KATNIP: variants seen among roughly 807,000 people sequenced by gnomAD.
The protein encoded by KATNIP is katanin-interacting protein.
KATNIP carries 126 observed loss-of-function variants against 174.0 expected under a neutral mutation model. The ratio of observed to expected loss-of-function variants is 0.72; its 90% CI spans 0.63 to 0.84. KATNIP has a LOEUF of 0.84. KATNIP is among the 40% of genes least tolerant of loss of function. KATNIP has a pLI of 0.00. For missense variants in KATNIP, 1,958 were observed against 2,109.7 expected (o/e 0.93, Z 1.41); for synonymous variants, 810 against 835.7 (o/e 0.97, Z 0.53).
intron 5 of KATNIP, among the ~76,000 whole-genome samples, chr16:27,645,007 C>T (rs2076916649): frequency 6.6e-6 from 1 of 152,198 alleles, no homozygotes; most frequent in Non-Finnish European, 1.5e-5. Context: ...TTAAATATCA[C>T]ACCCTGGGCA....
At chr16:27,722,479 C>T (rs757376632) in intron 14 of KATNIP, 3 of 152,248 alleles carry the variant, frequency 2.0e-5, no homozygotes, top group Non-Finnish European at 4.4e-5. Flanking sequence ...CCTTTCCTTC[C>T]TTCTCTGGGC....
intron 6 of KATNIP, among the ~76,000 whole-genome samples, chr16:27,655,837 C>T (rs909215901): frequency 3.9e-5 from 6 of 152,030 alleles, no homozygotes; most frequent in African/African-American, 9.7e-5. Context: ...CAGTCACAGG[C>T]GGGGAATATT....
intron 15 of KATNIP, among the ~76,000 whole-genome samples, chr16:27,743,809 C>T (rs1191462407): frequency 6.6e-6 from 1 of 152,166 alleles, no homozygotes; most frequent in Non-Finnish European, 1.5e-5. Flanking sequence ...TGTTTCCAAA[C>T]ATTACCCTAT....
chr16:27,570,733 C>T (rs769517994), intron 1 of KATNIP, among the ~76,000 whole-genome samples: 6 of 152,056 alleles, frequency 3.9e-5, no homozygotes, highest in Admixed American at 3.3e-4. Flanking sequence ...GTTGTTAACT[C>T]GCCACCGTGA....
intron 2 of KATNIP, among the ~76,000 whole-genome samples, chr16:27,586,432 C>A (rs1257218856): frequency 6.9e-6 from 1 of 144,406 alleles, no homozygotes; most frequent in African/African-American, 2.6e-5. Context: ...CATAGTGAGA[C>A]CCTGCCTCAA....
chr16:27,648,854 G>C, intron 6 of KATNIP, 119 bp downstream of exon 6: 1 of 1,169,758 alleles, frequency 8.5e-7, no homozygotes. Context: ...TCGCCGCTGT[G>C]TTCCTTCACT....
At chr16:27,769,447 T>G (rs1385043993) in intron 20 of KATNIP, among the ~76,000 whole-genome samples, 1 of 152,202 alleles carries the variant, frequency 6.6e-6, no homozygotes, top group African/African-American at 2.4e-5. Context: ...GTAGGTTAAC[T>G]CATGACCGTG....
Position 27,699,560 on chromosome 16 carries a change from A to G in KATNIP, c.1140A>G (p.Pro380=), listed in dbSNP as rs1248428079. The change falls in exon 10 of 28, where the codon CCA becomes CCG. Residue 380 remains proline (P), a synonymous_variant. Coordinates refer to ENST00000261588, the MANE Select transcript of KATNIP (RefSeq NM_015202.5). ...ATGCAGAAGGACCACCAGCAAAACCATGGACCAGTCTGCTGGAGGAGAAGG... is the reference window on the plus strand; with the variant it reads ...ATGCAGAAGGACCACCAGCAAAACCGTGGACCAGTCTGCTGGAGGAGAAGG... ...LQDAEGPPAK[P]WTSLLEEKEE... 5 of 1,614,176 alleles carry G rather than the reference A, an allele frequency of 3.1e-6. No individual in the cohort carries two copies. The highest frequency in any genetic ancestry group is 4.2e-6 in the Non-Finnish European group (5 of 1,180,028).
At position 27,736,321 on chromosome 16, in the gene KATNIP, G is replaced by A. The variant is rs139698659; in HGVS notation, c.1744-3720G>A. ...CCTGGCCCAAAAATAATTGTTGGGT[G>A]GCTACAATGTGCCCTTGGACAAGAC... is the stretch of plus-strand genomic sequence containing the variant. On this transcript the variant is annotated intron_variant, in intron 14 of 27. Transcript: ENST00000261588. Among the ~76,000 whole-genome samples the A allele has an allele frequency of 8.5e-5, 13 of 152,306 alleles. No homozygotes were observed. In the East Asian group the frequency reaches 1.7e-3, roughly 20 times the overall value.
At chr16:27,660,663 G>A (rs2077448149) in intron 6 of KATNIP, among the ~76,000 whole-genome samples, 1 of 150,546 alleles carries the variant, frequency 6.6e-6, no homozygotes, top group Non-Finnish European at 1.5e-5. Context: ...AAGAGATGGG[G>A]TCTCACTACA....
intron 13 of KATNIP, among the ~76,000 whole-genome samples, chr16:27,713,850 A>ATC (rs1292644750): frequency 7.9e-4 from 59 of 74,452 alleles, no homozygotes; most frequent in South Asian, 3.8e-3. Flanking sequence ...ATATATATAT[A>ATC]TATATATCTA....
chr16:27,739,580 G>A (rs1045406471), intron 14 of KATNIP, among the ~76,000 whole-genome samples: 2 of 152,170 alleles, frequency 1.3e-5, no homozygotes, highest in Non-Finnish European at 2.9e-5. Context: ...AGCACTCCAG[G>A]CTTTTCGACG....
chr16:27,704,902 T>C (rs1171450169), intron 12 of KATNIP, among the ~76,000 whole-genome samples: 4 of 150,354 alleles, frequency 2.7e-5, no homozygotes, highest in Non-Finnish European at 4.4e-5. Flanking sequence ...CTTTTCTTTT[T>C]TTTCTTTTTT....
chr16:27,724,186 C>A (rs951734980), intron 14 of KATNIP, among the ~76,000 whole-genome samples: 4 of 152,136 alleles, frequency 2.6e-5, no homozygotes, highest in African/African-American at 9.7e-5. Context: ...GGAATGCAGC[C>A]CCAGCCCACA....
Position 27,658,755 on chromosome 16 carries a change from T to G in KATNIP, c.540+10020T>G, listed in dbSNP as rs142161867. On this transcript the variant is annotated intron_variant, in intron 6 of 27. Transcript: ENST00000261588. ...TCCTGTACTATAGGTCAATTTGTTT[T>G]TTGTTGTTGTTGTTGTTTGTTTGTT... 5.5e-3 allele frequency among the ~76,000 whole-genome samples: 833 copies of G among 152,126 alleles called. 14 individuals carry two copies. The highest frequency in any genetic ancestry group is 0.019 in the African/African-American group (793 of 41,514).
intron 14 of KATNIP, among the ~76,000 whole-genome samples, chr16:27,731,737 G>A: frequency 6.6e-6 from 1 of 151,940 alleles, no homozygotes; most frequent in Non-Finnish European, 1.5e-5. Context: ...TCCTGCCTCA[G>A]CCTCCCAAGT....
chr16:27,624,806 C>CAAGACCCGGGAAAAAAAGAAAAGAAAGA (rs2076287191), intron 3 of KATNIP, among the ~76,000 whole-genome samples: 2 of 152,064 alleles, frequency 1.3e-5, no homozygotes, highest in African/African-American at 2.4e-5. Context: ...GGCACCAGAG[C>CAAGACCCGGGAAAAAAAGAAAAGAAAGA]AAGACCCGGG....
intron 18 of KATNIP, among the ~76,000 whole-genome samples, chr16:27,758,925 C>T (rs2081842456): frequency 1.3e-5 from 2 of 152,190 alleles, no homozygotes; most frequent in Non-Finnish European, 2.9e-5. Flanking sequence ...AGAGATTGTG[C>T]TCTGTTGTTC....
In KATNIP at chr16:27,776,190, G is replaced by GCACTCC. The variant is rs1444810691; in HGVS notation, c.4450-736_4450-731dup. ...GGAGGCTGGCCCTACCCGAGCAGCCGCACTCCCTCTTGGCATATTCTGAGG... is the reference window on the plus strand; with the variant it reads ...GGAGGCTGGCCCTACCCGAGCAGCCGCACTCCCACTCCCTCTTGGCATATTCTGAGG... On this transcript the variant is annotated intron_variant, in intron 24 of 27. Coordinates refer to ENST00000261588, the MANE Select transcript of KATNIP (RefSeq NM_015202.5). This position sits in a 1 kb window ranked among gnomAD's most constrained non-coding sequence, Gnocchi z 4.7. Among the ~76,000 whole-genome samples, 15 of 152,154 alleles carry GCACTCC rather than the reference G, an allele frequency of 9.9e-5. No individual in the cohort carries two copies. Among genetic ancestry groups the GCACTCC allele is most frequent in the Admixed American group, 3.3e-4 (5 of 15,284 alleles).
Sources: gnomAD v4.1 joint callset for allele counts (sites outside exome capture counted in the v4.1 genomes callset) on GRCh38, gnomAD v4.1.1 for gene constraint, Gnocchi (gnomAD v3.1) non-coding constraint, MANE v1.5 for transcripts, NCBI Gene and HGNC (gene_info 2026-07-23, HGNC 2026-07-21) for gene names.